Variants in FAM47C observed in about 807,000 individuals in gnomAD.
The protein encoded by FAM47C is putative protein FAM47C.
For missense variants in FAM47C, 847 were observed against 879.9 expected, an observed-to-expected ratio of 0.96 and a Z score of 0.47; for synonymous variants, 307 against 346.5, an observed-to-expected ratio of 0.89 and a Z score of 1.27.
At position 37,008,791 on chromosome X, in the gene FAM47C, C is replaced by T; in HGVS notation, c.381C>T (p.Thr127=). 1 of 1,211,522 alleles carries T rather than the reference C, an allele frequency of 8.3e-7. No individual in the cohort carries two copies. The highest frequency in any genetic ancestry group is 1.1e-6 in the Non-Finnish European group (1 of 895,308). Reference sequence around the variant, plus strand: ...AGGAAGTGGAAGCCCAGCTGATGACCAAGCATCCCTTGGCCATGTACCCCA... The same window carrying T: ...AGGAAGTGGAAGCCCAGCTGATGACTAAGCATCCCTTGGCCATGTACCCCA... ...FVEEVEAQLM[T]KHPLAMYPNL... is the part of the protein sequence containing the mutation. Residue 127 remains threonine (T), a synonymous_variant, in exon 1 of 1, where the codon ACC becomes ACT. Transcript: ENST00000358047.
In FAM47C at chrX:37,010,326, T is replaced by G; in HGVS notation, c.1916T>G (p.Met639Arg). The G allele has an allele frequency of 1.7e-6, 2 of 1,186,836 alleles. No homozygotes were observed. The highest frequency in any genetic ancestry group is 2.3e-6 in the Non-Finnish European group (2 of 888,172). The change falls in exon 1 of 1, where the codon ATG (methionine) becomes AGG (arginine). Residue 639 changes from methionine to arginine, a missense_variant. Physicochemically the swap from Met to Arg is moderately conservative, Grantham distance 91. Transcript: ENST00000358047. ...CGCCCAGAGCCTCCCAAGACTCGGA[T>G]GTACAGTCTCCGCCCGGAGCCTCCC... ...HLRPEPPKTR[M>R]YSLRPEPPNT... is the part of the protein sequence containing the mutation.
rs139172934 is a variant in FAM47C at position 37,011,160 on chromosome X, A to T, written c.2750A>T (p.Asp917Val). 8.8e-5 allele frequency: 106 copies of T among 1,209,212 alleles called. No individual in the cohort carries two copies. In the African/African-American group the frequency reaches 1.7e-3, roughly 20 times the overall value. The change falls in exon 1 of 1, where the codon GAC (aspartate) becomes GTC (valine). Residue 917 changes from aspartate (D) to valine (V), a missense_variant. Transcript: ENST00000358047. ...DEVKFFSQEKDLDGKIQNAPN... is the reference protein window; with the variant it reads ...DEVKFFSQEKVLDGKIQNAPN... ...GTCAAATTCTTCTCACAGGAAAAAG[A>T]CTTGGACGGGAAAATCCAGAATGCA...
At position 37,010,004 on chromosome X, in the gene FAM47C, T is replaced by C; in HGVS notation, c.1594T>C (p.Ser532Pro). The change falls in exon 1 of 1, where the codon TCC (serine) becomes CCC (proline). Residue 532 changes from serine (S) to proline (P), a missense_variant. Transcript: ENST00000358047. ...LRPEPPKILV[S>P]SLHQAPPESS... Reference sequence around the variant, plus strand: ...CCCAGAGCCTCCCAAGATTCTGGTGTCCAGTCTCCACCAGGCACCTCCTGA... The same window carrying C: ...CCCAGAGCCTCCCAAGATTCTGGTGCCCAGTCTCCACCAGGCACCTCCTGA... 3 of 1,203,477 alleles carry C rather than the reference T, an allele frequency of 2.5e-6. No individual in the cohort carries two copies. Among genetic ancestry groups the C allele is most frequent in the Non-Finnish European group, 3.4e-6 (3 of 892,897 alleles).
At position 37,009,540 on chromosome X, in the gene FAM47C, A is replaced by G. The variant is rs781913257; in HGVS notation, c.1130A>G (p.His377Arg). The change falls in exon 1 of 1, where the codon CAT becomes CGT. Residue 377 changes from histidine to arginine, a missense_variant. His to Arg is a conservative substitution (Grantham distance 29). Coordinates refer to ENST00000358047, the MANE Select transcript of FAM47C (RefSeq NM_001013736.3). ...CTGCCTCCCGAGGCTGGAGTGTCCC[A>G]TCTCTGCCCGGAACCTCCCAAGACT... is the stretch of plus-strand genomic sequence containing the variant. ...RQLPPEAGVS[H>R]LCPEPPKTRV... is the part of the protein sequence containing the mutation. 3.3e-6 allele frequency: 4 copies of G among 1,203,202 alleles called. No individual in the cohort carries two copies. Among genetic ancestry groups the G allele is most frequent in the African/African-American group, 1.8e-5 (1 of 54,948 alleles).
In FAM47C at chrX:37,008,960, G is replaced by A. The variant is rs781790509; in HGVS notation, c.550G>A (p.Gly184Arg). The change falls in exon 1 of 1, where the codon GGG becomes AGG. Residue 184 changes from glycine (G) to arginine (R), a missense_variant. Transcript: ENST00000358047. ...CACGGAGCCTGGTAAATACCCCTGT[G>A]GGGAATTCTCCCCTCGGCCTCCCGA... ...EPTEPGKYPC[G>R]EFSPRPPETR... 12 of 1,211,551 alleles carry A rather than the reference G, an allele frequency of 9.9e-6. No homozygotes were observed. Among genetic ancestry groups the A allele is most frequent in the Non-Finnish European group, 1.2e-5 (11 of 895,273 alleles).
At position 37,010,129 on chromosome X, in the gene FAM47C, G is replaced by T. The variant is rs1272208953; in HGVS notation, c.1719G>T (p.Glu573Asp). 1.9e-5 allele frequency: 22 copies of T among 1,187,844 alleles called. No homozygotes were observed. The highest frequency in any genetic ancestry group is 2.4e-5 in the Non-Finnish European group (21 of 887,672). The stretch of plus-strand genomic sequence containing the variant: ...CTCGGATGTACAGTCTCCGCCCGGA[G>T]CCTCCCGATACTGGAGTGTCCCATC... ...PKTRMYSLRP[E>D]PPDTGVSHLC... The change falls in exon 1 of 1, where the codon GAG becomes GAT. Residue 573 changes from glutamate to aspartate, a missense_variant. Glu to Asp is a conservative substitution (Grantham distance 45). Coordinates refer to ENST00000358047, the MANE Select transcript of FAM47C (RefSeq NM_001013736.3).
Position 37,008,692 on chromosome X carries a change from G to A in FAM47C, c.282G>A (p.Lys94=). The A allele has an allele frequency of 8.2e-7, 1 of 1,212,152 alleles. No individual in the cohort carries two copies. The highest frequency in any genetic ancestry group is 1.8e-5 in the South Asian group (1 of 57,016). Residue 94 remains lysine, a synonymous_variant, in exon 1 of 1, where the codon AAG becomes AAA. Coordinates refer to ENST00000358047, the MANE Select transcript of FAM47C (RefSeq NM_001013736.3). ...RGPQADPKSR[K]KKLLKKAALF... ...CCCAAGCTGACCCCAAAAGCAGGAA[G>A]AAAAAGCTGCTCAAGAAAGCGGCCC...
rs782492479 is a variant in FAM47C at position 37,011,350 on chromosome X, C to G, written c.2940C>G (p.Ile980Met). The G allele has an allele frequency of 1.7e-6, 2 of 1,211,262 alleles. No homozygotes were observed. The highest frequency in any genetic ancestry group is 3.5e-5 in the African/African-American group (2 of 57,734). Residue 980 changes from isoleucine (I) to methionine (M), a missense_variant, in exon 1 of 1, where the codon ATC becomes ATG. Ile to Met is a conservative substitution (Grantham distance 10). Transcript: ENST00000358047. ...PDILDGLYGP[I>M]AFKDFILSKG... Reference sequence around the variant, plus strand: ...TTCTTGACGGTCTTTATGGACCAATCGCCTTTAAGGATTTCATTCTAAGCA... The same window carrying G: ...TTCTTGACGGTCTTTATGGACCAATGGCCTTTAAGGATTTCATTCTAAGCA...
rs782327673 is a variant in FAM47C at position 37,009,762 on chromosome X, G to T, written c.1352G>T (p.Arg451Leu). The change falls in exon 1 of 1, where the codon CGC becomes CTC. Residue 451 changes from arginine to leucine, a missense_variant. By Grantham distance (102) the Arg-to-Leu change is moderately radical. Transcript: ENST00000358047. ...CCTGAGACTGGAGTGTCCCATCTCC[G>T]CCCAGAGCCTCCCAAGACTCGGGTG... ...EPPETGVSHL[R>L]PEPPKTRVSS... 6.0e-5 allele frequency: 72 copies of T among 1,198,305 alleles called. No homozygotes were observed. The highest frequency in any genetic ancestry group is 7.4e-5 in the Non-Finnish European group (66 of 890,868).
Position 37,009,504 on chromosome X carries a change from C to T in FAM47C, c.1094C>T (p.Pro365Leu). ...GAACCTCCAGAGACTCGCGTATCTC[C>T]TCTCCGCCAGCTGCCTCCCGAGGCT... Reference protein sequence around the residue: ...CPEPPETRVSPLRQLPPEAGV... With the variant: ...CPEPPETRVSLLRQLPPEAGV... The change falls in exon 1 of 1, where the codon CCT (proline) becomes CTT (leucine). Residue 365 changes from proline to leucine, a missense_variant. Pro to Leu is a moderately conservative substitution (Grantham distance 98, BLOSUM62 -3). Transcript: ENST00000358047. 1 of 1,190,806 alleles carries T rather than the reference C, an allele frequency of 8.4e-7. No homozygotes were observed. The highest frequency in any genetic ancestry group is 1.1e-6 in the Non-Finnish European group (1 of 886,772).
At position 37,010,842 on chromosome X, in the gene FAM47C, G is replaced by A. The variant is rs1556333199; in HGVS notation, c.2432G>A (p.Ser811Asn). ...CCTCCCAAGACTGGTCGGGTGTCCA[G>A]TCTCTGCCCGGAGCCTACCAAGACC... The part of the protein sequence containing the change: ...LEPPKTGRVS[S>N]LCPEPTKTGA... Residue 811 changes from serine to asparagine, a missense_variant, in exon 1 of 1, where the codon AGT becomes AAT. By Grantham distance (46) the Ser-to-Asn change is conservative. Transcript: ENST00000358047. 8.3e-6 allele frequency: 10 copies of A among 1,207,919 alleles called. No homozygotes were observed. Among genetic ancestry groups the A allele is most frequent in the South Asian group, 7.1e-5 (4 of 56,649 alleles).
chrX:37,008,420 C>T lies in FAM47C; in HGVS notation c.10C>T (p.Gln4Ter). 1.7e-6 allele frequency: 2 copies of T among 1,199,018 alleles called. No individual in the cohort carries two copies. Residue 4 changes from glutamine to a stop codon, truncating the protein, a stop_gained, in exon 1 of 1, where the codon CAG becomes TAG. Coordinates refer to ENST00000358047, the MANE Select transcript of FAM47C (RefSeq NM_001013736.3). LOFTEE classifies it low-confidence loss of function (END_TRUNC). ...CCCAGCGAGGGCCACCATGGGGGACCAGAGGCCGCAGGACCGGCCCAGTTC... is the reference window on the plus strand; with the variant it reads ...CCCAGCGAGGGCCACCATGGGGGACTAGAGGCCGCAGGACCGGCCCAGTTC... MGD[Q>*]RPQDRPSSPG...
rs782062061 is a variant in FAM47C at position 37,009,352 on chromosome X, C to T, written c.942C>T (p.Arg314=). The T allele has an allele frequency of 4.2e-6, 5 of 1,198,065 alleles. No individual in the cohort carries two copies. The South Asian group carries it at 7.1e-5, about 17-fold the overall frequency. ...TCTGCCTGGAGCCTCCCAAGTCACG[C>T]GTATCTCATCTCCGCCCAGAGCCTT... is the stretch of plus-strand genomic sequence containing the variant. ...PDLCLEPPKS[R]VSHLRPEPSE... Residue 314 remains arginine (R), a synonymous_variant, in exon 1 of 1, where the codon CGC becomes CGT. Coordinates refer to ENST00000358047, the MANE Select transcript of FAM47C (RefSeq NM_001013736.3).
chrX:37,010,795 A>C lies in FAM47C; in HGVS notation c.2385A>C (p.Arg795=). 3 of 1,208,820 alleles carry C rather than the reference A, an allele frequency of 2.5e-6. No individual in the cohort carries two copies. Among genetic ancestry groups the C allele is most frequent in the Non-Finnish European group, 3.4e-6 (3 of 894,397 alleles). ...SLHLEPPKTR[R]VSSLRLEPPK... ...ACCTGGAGCCTCCCAAGACTCGTCGAGTGTCCAGTCTCCGCCTGGAGCCTC... is the reference window on the plus strand; with the variant it reads ...ACCTGGAGCCTCCCAAGACTCGTCGCGTGTCCAGTCTCCGCCTGGAGCCTC... Residue 795 remains arginine (R), a synonymous_variant, in exon 1 of 1, where the codon CGA becomes CGC. Coordinates refer to ENST00000358047, the MANE Select transcript of FAM47C (RefSeq NM_001013736.3).
chrX:37,008,519 C>T lies in FAM47C; in HGVS notation c.109C>T (p.Arg37Cys). The T allele has an allele frequency of 8.2e-7, 1 of 1,212,461 alleles. No homozygotes were observed. The highest frequency in any genetic ancestry group is 1.1e-6 in the Non-Finnish European group (1 of 895,587). ...GTACTTCGCGAAGCGCAAGCACAGGCGCCTGAGGTTCCCGCCTGTGGACAC... is the reference window on the plus strand; with the variant it reads ...GTACTTCGCGAAGCGCAAGCACAGGTGCCTGAGGTTCCCGCCTGTGGACAC... ...SKYFAKRKHRRLRFPPVDTQN... is the reference protein window; with the variant it reads ...SKYFAKRKHRCLRFPPVDTQN... Residue 37 changes from arginine to cysteine, a missense_variant, in exon 1 of 1, where the codon CGC becomes TGC. Transcript: ENST00000358047.
At position 37,010,637 on chromosome X, in the gene FAM47C, C is replaced by T; in HGVS notation, c.2227C>T (p.Pro743Ser). ...AGTGTCCCATCTCCGCCCAGAGCCT[C>T]CCAAGCCTCGGGTTTCCAGTCTCCG... Reference protein sequence around the residue: ...TGVSHLRPEPPKPRVSSLRPE... With the variant: ...TGVSHLRPEPSKPRVSSLRPE... The change falls in exon 1 of 1, where the codon CCC becomes TCC. Residue 743 changes from proline (P) to serine (S), a missense_variant. By Grantham distance (74) the Pro-to-Ser change is moderately conservative. Transcript: ENST00000358047. 8.3e-7 allele frequency: 1 copy of T among 1,209,158 alleles called. No individual in the cohort carries two copies. Among genetic ancestry groups the T allele is most frequent in the Non-Finnish European group, 1.1e-6 (1 of 894,769 alleles).
chrX:37,011,283 T>C lies in FAM47C; in HGVS notation c.2873T>C (p.Ile958Thr), dbSNP rs1227203170. 8.3e-7 allele frequency: 1 copy of C among 1,208,615 alleles called. No homozygotes were observed. The highest frequency in any genetic ancestry group is 1.7e-5 in the African/African-American group (1 of 57,143). ...GKKLRSDEPL[I>T]DPKLVLEKPD... ...AAGCTAAGAAGTGATGAACCTTTGATTGACCCCAAGCTCGTACTTGAAAAG... is the reference window on the plus strand; with the variant it reads ...AAGCTAAGAAGTGATGAACCTTTGACTGACCCCAAGCTCGTACTTGAAAAG... The change falls in exon 1 of 1, where the codon ATT becomes ACT. Residue 958 changes from isoleucine to threonine, a missense_variant. Transcript: ENST00000358047.
At position 37,011,058 on chromosome X, in the gene FAM47C, A is replaced by G; in HGVS notation, c.2648A>G (p.Gln883Arg). The G allele has an allele frequency of 3.3e-6, 4 of 1,211,945 alleles. No homozygotes were observed. The highest frequency in any genetic ancestry group is 4.5e-6 in the Non-Finnish European group (4 of 895,594). Residue 883 changes from glutamine (Q) to arginine (R), a missense_variant, in exon 1 of 1, where the codon CAA becomes CGA. Coordinates refer to ENST00000358047, the MANE Select transcript of FAM47C (RefSeq NM_001013736.3). Reference sequence around the variant, plus strand: ...ACCCCTGAGTGCAGAGCAACCTATCAAGACCAAAAGAATAAGAAGGCAAAC... The same window carrying G: ...ACCCCTGAGTGCAGAGCAACCTATCGAGACCAAAAGAATAAGAAGGCAAAC... Reference protein sequence around the residue: ...DFTPECRATYQDQKNKKANEC... With the variant: ...DFTPECRATYRDQKNKKANEC...
In FAM47C at chrX:37,008,792, A is replaced by C; in HGVS notation, c.382A>C (p.Lys128Gln). 1 of 1,211,393 alleles carries C rather than the reference A, an allele frequency of 8.3e-7. No homozygotes were observed. The highest frequency in any genetic ancestry group is 1.1e-6 in the Non-Finnish European group (1 of 895,289). The part of the protein sequence containing the change: ...VEEVEAQLMT[K>Q]HPLAMYPNLG... ...GGAAGTGGAAGCCCAGCTGATGACC[A>C]AGCATCCCTTGGCCATGTACCCCAA... The change falls in exon 1 of 1, where the codon AAG becomes CAG. Residue 128 changes from lysine (K) to glutamine (Q), a missense_variant. By Grantham distance (53) the Lys-to-Gln change is moderately conservative. Transcript: ENST00000358047.
Sources: gnomAD v4.1 joint callset for allele counts on GRCh38, gnomAD v4.1.1 for gene constraint, MANE v1.5 for transcripts, NCBI Gene and HGNC (gene_info 2026-07-23, HGNC 2026-07-21) for gene names.